Variants in GRIA1 observed in about 807,000 individuals in gnomAD.
The protein encoded by GRIA1 is glutamate receptor 1.
Under a neutral mutation model 99.2 loss-of-function variants are expected in GRIA1, and 31 were observed. That is an observed-to-expected ratio of 0.31 (90% CI 0.23 to 0.42). The LOEUF (loss-of-function observed/expected upper bound fraction) is 0.42, where lower values mean the gene tolerates loss of function less well. Ranked by LOEUF, GRIA1 falls within the 10% of genes least tolerant of loss-of-function variation. The pLI is 1.00. For synonymous variants in GRIA1, 438 were observed against 432.4 expected (o/e 1.01, Z -0.16); for missense variants, 782 against 1,157.5 (o/e 0.68, Z 4.71).
At chr5:153,712,811 G>A (rs1759411782) in intron 11 of GRIA1, among the ~76,000 whole-genome samples, 1 of 152,176 alleles carries the variant, frequency 6.6e-6, no homozygotes, top group Non-Finnish European at 1.5e-5. Flanking sequence ...AGGCATGGGG[G>A]TTTCTGCTGG....
intron 2 of GRIA1, among the ~76,000 whole-genome samples, chr5:153,501,811 C>T (rs952286323): frequency 1.3e-4 from 20 of 152,190 alleles, no homozygotes; most frequent in African/African-American, 4.8e-4. Context: ...TCTGTGTGCC[C>T]ATGGGCATTC....
chr5:153,529,980 G>A (rs372101081), intron 2 of GRIA1, among the ~76,000 whole-genome samples: 3 of 152,060 alleles, frequency 2.0e-5, no homozygotes, highest in African/African-American at 4.8e-5. Flanking sequence ...CTTCTGTGGT[G>A]GCCTCACTGG....
At chr5:153,763,367 T>C (rs1763308036) in intron 11 of GRIA1, among the ~76,000 whole-genome samples, 1 of 152,232 alleles carries the variant, frequency 6.6e-6, no homozygotes, top group African/African-American at 2.4e-5. Flanking sequence ...GTGATTTCTC[T>C]GATTGTTAAA....
At chr5:153,724,250 C>T (rs1760324929) in intron 11 of GRIA1, among the ~76,000 whole-genome samples, 1 of 151,496 alleles carries the variant, frequency 6.6e-6, no homozygotes, top group Non-Finnish European at 1.5e-5. Context: ...ATCTGTACAT[C>T]ACCATCATCA....
intron 2 of GRIA1, among the ~76,000 whole-genome samples, chr5:153,587,814 A>AG (rs1470257359): frequency 6.6e-6 from 1 of 152,144 alleles, no homozygotes; most frequent in Admixed American, 6.5e-5. Context: ...TCCTATTTCC[A>AG]GGGGGGCATA....
chr5:153,747,923 C>T (rs766026539), intron 11 of GRIA1, among the ~76,000 whole-genome samples: 4 of 152,208 alleles, frequency 2.6e-5, no homozygotes, highest in Non-Finnish European at 4.4e-5. Flanking sequence ...TTTCCCATCA[C>T]GCTTGGTGTG....
chr5:153,651,302 GC>G (rs1157197886), intron 4 of GRIA1, among the ~76,000 whole-genome samples: 1 of 152,030 alleles, frequency 6.6e-6, no homozygotes, highest in African/African-American at 2.4e-5. Context: ...CCCTGAACAT[GC>G]CCTTCCCTTT....
intron 9 of GRIA1, 92 bp from the exon 10 acceptor site, chr5:153,698,775 A>T: frequency 1.2e-6 from 1 of 815,556 alleles, no homozygotes; most frequent in Non-Finnish European, 2.1e-6. Flanking sequence ...CCCCAGTGTT[A>T]ACCAAACATG....
intron 13 of GRIA1, among the ~76,000 whole-genome samples, chr5:153,784,504 G>A (rs1225691473): frequency 1.3e-5 from 2 of 152,140 alleles, no homozygotes; most frequent in African/African-American, 4.8e-5. Flanking sequence ...CTTCTCATAA[G>A]ATCGCAGAAC....
intron 3 of GRIA1, among the ~76,000 whole-genome samples, chr5:153,648,359 C>A (rs556303319): frequency 4.6e-5 from 7 of 152,084 alleles, no homozygotes; most frequent in African/African-American, 1.7e-4. Context: ...AGTAATAAAG[C>A]CAGAAAAATG....
intron 2 of GRIA1, among the ~76,000 whole-genome samples, chr5:153,579,427 G>A (rs1477411761): frequency 6.6e-6 from 1 of 152,154 alleles, no homozygotes. Flanking sequence ...TGATGAGTGA[G>A]GCTGAGAGTC....
At position 153,650,360 on chromosome 5, in the gene GRIA1, C is replaced by T. The variant is rs757093792; in HGVS notation, c.491C>T (p.Thr164Ile). ...TCCGTCCTGCAGAAAGTCCTGGATA[C>T]AGCTGCTGAGAAGAACTGGCAGGTG... ...GLSVLQKVLD[T>I]AAEKNWQVTA... The change falls in exon 4 of 16, where the codon ACA becomes ATA. Residue 164 changes from threonine to isoleucine, a missense_variant. This residue lies in a region of GRIA1 where 461 missense variants were observed against 521.7 expected (regional missense o/e 0.88). Transcript: ENST00000285900. The T allele has an allele frequency of 6.2e-7, 1 of 1,613,916 alleles. No individual in the cohort carries two copies. The highest frequency in any genetic ancestry group is 8.5e-7 in the Non-Finnish European group (1 of 1,179,878).
At chr5:153,597,993 C>T in intron 2 of GRIA1, among the ~76,000 whole-genome samples, 1 of 152,048 alleles carries the variant, frequency 6.6e-6, no homozygotes. Flanking sequence ...GCCTGGGTGA[C>T]AAGGTGAAAC....
At chr5:153,711,383 G>A (rs868678762) in intron 11 of GRIA1, among the ~76,000 whole-genome samples, 5 of 152,280 alleles carry the variant, frequency 3.3e-5, no homozygotes, top group South Asian at 4.2e-4. Context: ...TGGATTTATG[G>A]TTCACTCTGA....
chr5:153,687,684 T>C (rs1581471454), intron 8 of GRIA1, among the ~76,000 whole-genome samples: 1 of 152,312 alleles, frequency 6.6e-6, no homozygotes, highest in East Asian at 1.9e-4. Flanking sequence ...ATGTAGAACA[T>C]TTACATCACT....
In GRIA1 at chr5:153,628,093, A is replaced by G. The variant is rs988089461; in HGVS notation, c.221-18835A>G. ...AGGATCAGACATAGTTAATTCTAAC[A>G]CGAGGTAGGAAGTGTTAAGTGTGCT... On this transcript the variant is annotated intron_variant, in intron 2 of 15. Coordinates refer to ENST00000285900, the MANE Select transcript of GRIA1 (RefSeq NM_000827.4). Among the ~76,000 whole-genome samples, 6 of 152,344 alleles carry G rather than the reference A, an allele frequency of 3.9e-5. No homozygotes were observed. The South Asian group carries it at 1.2e-3, about 32-fold the overall frequency.
intron 2 of GRIA1, among the ~76,000 whole-genome samples, chr5:153,642,707 C>G (rs1753861859): frequency 1.3e-5 from 2 of 151,802 alleles, no homozygotes; most frequent in South Asian, 4.2e-4. Context: ...TTCTAAATGG[C>G]AAATACTGTG....
intron 2 of GRIA1, among the ~76,000 whole-genome samples, chr5:153,644,802 A>G (rs1186126025): frequency 6.6e-6 from 1 of 151,884 alleles, no homozygotes; most frequent in African/African-American, 2.4e-5. Context: ...AGGGAAGAGC[A>G]TTGCAGGAAG....
At chr5:153,796,121 C>T (rs1367062813) in intron 14 of GRIA1, among the ~76,000 whole-genome samples, 1 of 150,180 alleles carries the variant, frequency 6.7e-6, no homozygotes, top group Non-Finnish European at 1.5e-5. Flanking sequence ...ATTGAATTGG[C>T]CTCCAAGCAG....
Sources: gnomAD v4.1 joint callset for allele counts (sites outside exome capture counted in the v4.1 genomes callset) on GRCh38, gnomAD v4.1.1 for gene constraint, gnomAD v4.1.1 regional missense constraint, MANE v1.5 for transcripts, NCBI Gene and HGNC (gene_info 2026-07-23, HGNC 2026-07-21) for gene names.